Variants in TNC observed in about 807,000 individuals in gnomAD.
TNC encodes the protein tenascin C.
In TNC, 109 loss-of-function variants were observed where a neutral mutation model predicts 202.4. The ratio of observed to expected loss-of-function variants is 0.54; its 90% confidence interval spans 0.46 to 0.63. The LOEUF is 0.63. TNC is among the 30% of genes least tolerant of loss of function. The probability of loss-of-function intolerance (pLI) is 0.00; values close to 1 mark genes in which losing one functional copy is unlikely to be tolerated. For missense variants in TNC, 2,756 were observed against 2,833.3 expected, an observed-to-expected ratio of 0.97 and a Z score of 0.62; for synonymous variants, 1,007 against 1,089.7, an observed-to-expected ratio of 0.92 and a Z score of 1.50.
rs371694342 is a variant in TNC at position 115,118,130 on chromosome 9, G to C, written c.-285C>G. 6.6e-6 allele frequency: 1 copy of C among 152,202 alleles called. No individual in the cohort carries two copies. The highest frequency in any genetic ancestry group is 1.5e-5 in the Non-Finnish European group (1 of 68,088). 9.4% of individuals were successfully genotyped at this position (152,202 alleles called of 1,614,324 possible). A position where few individuals can be genotyped will look rare whatever the true frequency, so the allele number is the denominator to read the frequency against. On this transcript the variant is annotated 5_prime_UTR_variant, in exon 1 of 28. Transcript: ENST00000350763. ...GGGGCGTGTATCTGCGCGCGGGAGAGGCGGGTGACAGTAGGCAGGCTGTGG... is the reference window on the plus strand; with the variant it reads ...GGGGCGTGTATCTGCGCGCGGGAGACGCGGGTGACAGTAGGCAGGCTGTGG...
In TNC at chr9:115,074,907, C is replaced by T. The variant is rs76947851; in HGVS notation, c.2951-1041G>A. ...GTTGTTATATTAGTCTACATTTATG[C>T]AAGACGCTACCCTTGGGGGAACCTG... On this transcript the variant is annotated intron_variant, in intron 9 of 27. Transcript: ENST00000350763. 3.6e-3 allele frequency among the ~76,000 whole-genome samples: 546 copies of T among 152,262 alleles called. 2 individuals are homozygous for T. Among genetic ancestry groups the T allele is most frequent in the African/African-American group, 0.013 (524 of 41,536 alleles).
At chr9:115,107,829 C>T (rs1836731880) in intron 1 of TNC, among the ~76,000 whole-genome samples, 1 of 152,202 alleles carries the variant, frequency 6.6e-6, no homozygotes, top group South Asian at 2.1e-4. Flanking sequence ...TTTCCATTTC[C>T]TAGACCTTCA....
intron 2 of TNC, among the ~76,000 whole-genome samples, chr9:115,089,116 A>C (rs1370279518): frequency 6.6e-6 from 1 of 152,178 alleles, no homozygotes; most frequent in East Asian, 1.9e-4. Flanking sequence ...GCATTTTTCC[A>C]GGGAGTTGAC....
At chr9:115,079,803 C>G (rs1834162308) in intron 6 of TNC, among the ~76,000 whole-genome samples, 1 of 152,156 alleles carries the variant, frequency 6.6e-6, no homozygotes, top group African/African-American at 2.4e-5. Flanking sequence ...ATCCTTTTCC[C>G]CCTTTACATG....
intron 10 of TNC, among the ~76,000 whole-genome samples, chr9:115,068,116 C>T (rs144209586): frequency 6.6e-5 from 10 of 152,314 alleles, no homozygotes; most frequent in Admixed American, 2.0e-4. Flanking sequence ...CACATAAATG[C>T]TGGCTCCACA....
intron 6 of TNC, among the ~76,000 whole-genome samples, chr9:115,078,425 T>G (rs564232372): frequency 3.3e-5 from 5 of 152,228 alleles, no homozygotes; most frequent in Admixed American, 3.3e-4. Context: ...TTTTGTTTTT[T>G]TCAAATCTTA....
At chr9:115,075,980 C>T in intron 9 of TNC, 52 bp downstream of exon 9, 1 of 1,530,746 alleles carries the variant, frequency 6.5e-7, no homozygotes. Context: ...TTGACTCTGT[C>T]TCATCTGCCC....
At chr9:115,054,535 C>T (rs1831952153) in intron 15 of TNC, among the ~76,000 whole-genome samples, 1 of 152,124 alleles carries the variant, frequency 6.6e-6, no homozygotes, top group African/African-American at 2.4e-5. Flanking sequence ...CTATCAATGC[C>T]AACAGATTCA....
chr9:115,090,231 A>G (rs1194111903), intron 2 of TNC, among the ~76,000 whole-genome samples: 2 of 152,122 alleles, frequency 1.3e-5, no homozygotes, highest in Non-Finnish European at 2.9e-5. Flanking sequence ...TTCATGGCGT[A>G]CTCATAGGTT....
At chr9:115,038,421 G>T (rs1482173114) in intron 19 of TNC, 41 bp from the exon 20 acceptor site, 1 of 1,608,016 alleles carries the variant, frequency 6.2e-7, no homozygotes, top group Non-Finnish European at 8.5e-7. Flanking sequence ...GTCATTGGGT[G>T]GGACATCAGA....
rs777021934 is a variant in TNC at position 115,086,531 on chromosome 9, T to C, written c.1200A>G (p.Gly400=). The C allele has an allele frequency of 8.1e-6, 13 of 1,612,984 alleles. No individual in the cohort carries two copies. The highest frequency in any genetic ancestry group is 6.7e-5 in the Admixed American group (4 of 59,958). Residue 400 remains glycine (G), a synonymous_variant, in exon 3 of 28, where the codon GGA becomes GGG. Transcript: ENST00000350763. ...GACACTTGAGCTCCCCACAGTCAGC[T>C]CCAGTGAAACCATCATCACACTCAC... ...GRCECDDGFT[G]ADCGELKCPN...
At chr9:115,102,118 C>T (rs1449242391) in intron 1 of TNC, among the ~76,000 whole-genome samples, 2 of 152,168 alleles carry the variant, frequency 1.3e-5, no homozygotes, top group South Asian at 2.1e-4. Context: ...AGAGTCTTTA[C>T]ATGGCTTGTG....
At chr9:115,073,907 A>G in intron 9 of TNC, 41 bp from the exon 10 acceptor site, 1 of 1,584,912 alleles carries the variant, frequency 6.3e-7, no homozygotes, top group Non-Finnish European at 8.5e-7. Context: ...TCAGGCTGCA[A>G]GACAGGGCTG....
rs752663224 is a variant in TNC, at chr9:115,086,436, T to C, written c.1295A>G (p.Glu432Gly). 1 of 1,613,658 alleles carries C rather than the reference T, an allele frequency of 6.2e-7. No homozygotes were observed. Among genetic ancestry groups the C allele is most frequent in the Non-Finnish European group, 8.5e-7 (1 of 1,179,944 alleles). Reference sequence around the variant, plus strand: ...GGGGCACCGTAGCTGGCTGCAGTCCTCCCCAGTATAGCCCTCATCACACAC... The same window carrying C: ...GGGGCACCGTAGCTGGCTGCAGTCCCCCCCAGTATAGCCCTCATCACACAC... ...QCVCDEGYTGEDCSQLRCPND... is the reference protein window; with the variant it reads ...QCVCDEGYTGGDCSQLRCPND... The change falls in exon 3 of 28, where the codon GAG becomes GGG. Residue 432 changes from glutamate to glycine, a missense_variant. Coordinates refer to ENST00000350763, the MANE Select transcript of TNC (RefSeq NM_002160.4).
intron 15 of TNC, among the ~76,000 whole-genome samples, chr9:115,049,453 G>A (rs965495585): frequency 1.3e-5 from 2 of 152,036 alleles, no homozygotes; most frequent in African/African-American, 4.8e-5. Flanking sequence ...AAAAACCAGA[G>A]AGGTTAATGA....
chr9:115,101,800 A>T (rs1419426383), intron 1 of TNC, among the ~76,000 whole-genome samples: 1 of 152,140 alleles, frequency 6.6e-6, no homozygotes, highest in Non-Finnish European at 1.5e-5. Flanking sequence ...TGAGATAATT[A>T]TGTGACACTT....
chr9:115,093,176 G>C (rs958220740), intron 1 of TNC, among the ~76,000 whole-genome samples: 1 of 152,092 alleles, frequency 6.6e-6, no homozygotes, highest in Non-Finnish European at 1.5e-5. Context: ...CTATATGACT[G>C]ATCAGGGGCC....
At chr9:115,041,506 C>G (rs953908564) in intron 18 of TNC, among the ~76,000 whole-genome samples, 2 of 152,186 alleles carry the variant, frequency 1.3e-5, no homozygotes, top group Non-Finnish European at 2.9e-5. Flanking sequence ...GGAAATTCTA[C>G]TTAAGAAAAG....
chr9:115,063,329 T>G (rs1485044476), intron 12 of TNC, 140 bp from the exon 13 acceptor site: 2 of 875,358 alleles, frequency 2.3e-6, no homozygotes, highest in African/African-American at 1.7e-5. Flanking sequence ...CAGCAGGTGT[T>G]GAGCACACTC....
Sources: gnomAD v4.1 joint callset for allele counts (sites outside exome capture counted in the v4.1 genomes callset) on GRCh38, gnomAD v4.1.1 for gene constraint, MANE v1.5 for transcripts, NCBI Gene and HGNC (gene_info 2026-07-23, HGNC 2026-07-21) for gene names.